SEPTIN7: variants seen among roughly 807,000 people sequenced by gnomAD.
SEPTIN7 encodes the protein septin-7.
A neutral mutation model predicts 63.3 loss-of-function variants in SEPTIN7; 10 were observed. The observed-to-expected ratio is 0.16, with a 90% CI of 0.10 to 0.27. The LOEUF (loss-of-function observed/expected upper bound fraction) is 0.27. Ranked by LOEUF, SEPTIN7 falls within the 10% of genes least tolerant of loss-of-function variation. The pLI is 1.00. For missense variants in SEPTIN7, 310 were observed against 521.0 expected (o/e 0.59, Z 3.94); for synonymous variants, 131 against 165.3 (o/e 0.79, Z 1.59).
At chr7:35,891,872 T>C (rs1787669786) in intron 11 of SEPTIN7, among the ~76,000 whole-genome samples, 2 of 152,236 alleles carry the variant, frequency 1.3e-5, no homozygotes, top group African/African-American at 2.4e-5. Flanking sequence ...TAGAAAGATA[T>C]TATCTTTATA....
chr7:35,901,219 A>G (rs1358299367), intron 12 of SEPTIN7: 1 of 152,302 alleles, frequency 6.6e-6, no homozygotes, highest in African/African-American at 2.4e-5. Flanking sequence ...ATTATTGCCC[A>G]TCTCTCCTTT....
intron 1 of SEPTIN7, among the ~76,000 whole-genome samples, chr7:35,821,901 C>T (rs1302902699): frequency 6.6e-6 from 1 of 152,162 alleles, no homozygotes; most frequent in African/African-American, 2.4e-5. Flanking sequence ...GCCTCAGCCT[C>T]CTGAGTAGCT....
intron 3 of SEPTIN7, among the ~76,000 whole-genome samples, chr7:35,862,621 AC>A (rs1785570020): frequency 6.6e-6 from 1 of 152,134 alleles, no homozygotes; most frequent in Non-Finnish European, 1.5e-5. Context: ...GTAAGCCCAG[AC>A]CACGTGGAAA....
intron 6 of SEPTIN7, among the ~76,000 whole-genome samples, chr7:35,874,671 CT>C: frequency 6.6e-6 from 1 of 152,044 alleles, no homozygotes; most frequent in East Asian, 1.9e-4. Flanking sequence ...TTCTTGCTCT[CT>C]TTTACTTTTT....
chr7:35,899,930 T>TTTG (rs1395981660), intron 12 of SEPTIN7: 1 of 152,134 alleles, frequency 6.6e-6, no homozygotes, highest in Non-Finnish European at 1.5e-5. Context: ...TATAAAATAG[T>TTTG]TTTAAAACAA....
intron 4 of SEPTIN7, among the ~76,000 whole-genome samples, 169 bp downstream of exon 4, chr7:35,863,827 A>G (rs1418478165): frequency 4.6e-5 from 7 of 151,102 alleles, no homozygotes; most frequent in African/African-American, 9.7e-5. Context: ...AGTACAGTTC[A>G]TCAGAAGAAT....
intron 9 of SEPTIN7, among the ~76,000 whole-genome samples, 198 bp from the exon 10 acceptor site, chr7:35,885,630 A>G (rs180872324): frequency 1.3e-5 from 2 of 152,302 alleles, no homozygotes; most frequent in African/African-American, 4.8e-5. Context: ...GGATTAAACT[A>G]CAATAAGGCA....
intron 3 of SEPTIN7, among the ~76,000 whole-genome samples, chr7:35,855,126 A>T (rs1239459925): frequency 6.6e-6 from 1 of 152,050 alleles, no homozygotes; most frequent in African/African-American, 2.4e-5. Flanking sequence ...AGGCATTCCT[A>T]CGTCAATTTT....
At chr7:35,805,038 C>A (rs1562726989) in intron 1 of SEPTIN7, among the ~76,000 whole-genome samples, 2 of 151,940 alleles carry the variant, frequency 1.3e-5, no homozygotes, top group African/African-American at 4.8e-5. Context: ...CTCGCCACCA[C>A]GCCCAGCTAA....
At chr7:35,812,686 CT>C (rs1467364993) in intron 1 of SEPTIN7, among the ~76,000 whole-genome samples, 1 of 151,912 alleles carries the variant, frequency 6.6e-6, no homozygotes, top group Non-Finnish European at 1.5e-5. Context: ...AACAAAGGAC[CT>C]TTTTCCCCCG....
At position 35,905,975 on chromosome 7, in the gene SEPTIN7, G is replaced by A. The variant is rs530547315; in HGVS notation, c.*1682G>A. On this transcript the variant is annotated 3_prime_UTR_variant, in exon 14 of 14. Coordinates refer to ENST00000350320, the MANE Select transcript of SEPTIN7 (RefSeq NM_001788.6). ...ACTTTTTAAAATTAATGACCTAAGCGGAGGGAATAATTATAAGTCAATAGC... is the reference window on the plus strand; with the variant it reads ...ACTTTTTAAAATTAATGACCTAAGCAGAGGGAATAATTATAAGTCAATAGC... 6.3e-4 allele frequency: 96 copies of A among 152,212 alleles called. No individual in the cohort carries two copies. Among genetic ancestry groups the A allele is most frequent in the African/African-American group, 2.2e-3 (90 of 41,532 alleles). The allele number at this position is 152,212 out of a possible 1,614,324, so 9.4% of individuals were successfully genotyped here.
At chr7:35,808,204 TCTC>T (rs1312024527) in intron 1 of SEPTIN7, among the ~76,000 whole-genome samples, 2 of 151,284 alleles carry the variant, frequency 1.3e-5, no homozygotes, top group African/African-American at 2.4e-5. Context: ...TACAGTGAAA[TCTC>T]CTTCTTACTT....
intron 3 of SEPTIN7, among the ~76,000 whole-genome samples, chr7:35,853,867 G>A (rs995824813): frequency 1.3e-5 from 2 of 152,154 alleles, no homozygotes; most frequent in East Asian, 1.9e-4. Context: ...AAAGGCAGTA[G>A]AACATACTGC....
intron 1 of SEPTIN7, among the ~76,000 whole-genome samples, chr7:35,803,650 T>C (rs1260001151): frequency 6.6e-6 from 1 of 152,252 alleles, no homozygotes; most frequent in Non-Finnish European, 1.5e-5. Flanking sequence ...CTATCTTCAA[T>C]TTTTGATTAT....
chr7:35,914,308 T>C, the SEPTIN7 span, among the ~76,000 whole-genome samples: 8 of 152,236 alleles, frequency 5.3e-5, no homozygotes, highest in Non-Finnish European at 1.0e-4. Context: ...CATGGCTGAA[T>C]ACTATCTTAG....
At chr7:35,904,101 C>T (rs780811754) in intron 13 of SEPTIN7, among the ~76,000 whole-genome samples, 153 bp from the exon 14 acceptor site, 1 of 152,084 alleles carries the variant, frequency 6.6e-6, no homozygotes, top group Non-Finnish European at 1.5e-5. Context: ...ATTGTCTTAG[C>T]TGTTTACTTC....
intron 4 of SEPTIN7, among the ~76,000 whole-genome samples, chr7:35,865,725 T>C (rs779495057): frequency 1.1e-4 from 17 of 152,218 alleles, no homozygotes; most frequent in Non-Finnish European, 2.5e-4. Context: ...AGTGTTTTGA[T>C]AATATTTTCT....
intron 3 of SEPTIN7, among the ~76,000 whole-genome samples, chr7:35,836,299 T>C (rs1304431973): frequency 2.6e-5 from 4 of 152,200 alleles, no homozygotes; most frequent in East Asian, 1.9e-4. Flanking sequence ...CTGTTTTTAC[T>C]AGAATTCTTC....
At chr7:35,839,715 C>T (rs539655876) in intron 3 of SEPTIN7, among the ~76,000 whole-genome samples, 6 of 152,266 alleles carry the variant, frequency 3.9e-5, no homozygotes, top group African/African-American at 1.2e-4. Flanking sequence ...CCATCACGCT[C>T]AGCTAATTTT....
Sources: allele counts gnomAD v4.1 joint callset (sites outside exome capture counted in the v4.1 genomes callset), GRCh38; gene constraint gnomAD v4.1.1; transcripts MANE v1.5; gene names NCBI Gene and HGNC (gene_info 2026-07-23, HGNC 2026-07-21).